Variants in SLC26A5 observed in about 807,000 individuals in gnomAD.
SLC26A5 encodes solute carrier family 26 member 5, also known as prestin.
A neutral mutation model predicts 81.0 loss-of-function variants in SLC26A5; 51 were observed. The observed-to-expected ratio is 0.63, with a 90% confidence interval of 0.50 to 0.80. SLC26A5 has a LOEUF of 0.80. Ranked by LOEUF, SLC26A5 falls within the 30% of genes least tolerant of loss-of-function variation. The probability of loss-of-function intolerance (pLI) is 0.00; values close to 1 mark genes in which losing one functional copy is unlikely to be tolerated. For synonymous variants in SLC26A5, 325 were observed against 332.8 expected (o/e 0.98, Z 0.25); for missense variants, 771 against 905.8 (o/e 0.85, Z 1.91).
chr7:103,388,193 G>GTTTTTT (rs897201043), intron 14 of SLC26A5, among the ~76,000 whole-genome samples: 4 of 114,924 alleles, frequency 3.5e-5, no homozygotes, highest in East Asian at 5.1e-4. Flanking sequence ...AGCCCATAAA[G>GTTTTTT]TTTTTTTTTT....
chr7:103,375,053 CAT>C (rs1389142167), intron 19 of SLC26A5, among the ~76,000 whole-genome samples: 2 of 146,258 alleles, frequency 1.4e-5, no homozygotes, highest in East Asian at 4.0e-4. Flanking sequence ...CACACACACA[CAT>C]ATATACACAC....
intron 2 of SLC26A5, among the ~76,000 whole-genome samples, chr7:103,428,558 CTTTTTTT>C (rs10592922): frequency 1.5e-4 from 18 of 118,086 alleles, no homozygotes; most frequent in South Asian, 5.5e-4. Flanking sequence ...CCTGCCAGTA[CTTTTTTT>C]TTTTTTTTTT....
chr7:103,443,270 G>T (rs768041108), intron 1 of SLC26A5, 59 bp from the exon 2 acceptor site: 1 of 152,228 alleles, frequency 6.6e-6, no homozygotes, highest in Non-Finnish European at 1.5e-5. Context: ...TTTTTTGAAA[G>T]AAGCTATGTC....
chr7:103,420,861 T>C lies in SLC26A5; in HGVS notation c.169A>G (p.Ile57Val). Residue 57 changes from isoleucine (I) to valine (V), a missense_variant, in exon 4 of 20, where the codon ATA (isoleucine) becomes GTA (valine). Ile to Val is a conservative substitution (Grantham distance 29, BLOSUM62 3). Coordinates refer to ENST00000306312, the MANE Select transcript of SLC26A5 (RefSeq NM_198999.3). ...KQAFTCTPKKIRNIIYMFLPI... is the reference protein window; with the variant it reads ...KQAFTCTPKKVRNIIYMFLPI... Reference sequence around the variant, plus strand: ...AGGAACATATAAATGATATTTCTTATTTTTTTAGGAGTACATCTGAAAGGA... The same window carrying C: ...AGGAACATATAAATGATATTTCTTACTTTTTTAGGAGTACATCTGAAAGGA... 1 of 1,610,100 alleles carries C rather than the reference T, an allele frequency of 6.2e-7. No individual in the cohort carries two copies. The highest frequency in any genetic ancestry group is 8.5e-7 in the Non-Finnish European group (1 of 1,176,526).
chr7:103,371,348 G>A (rs1299336422), downstream of SLC26A5, among the ~76,000 whole-genome samples: 11 of 147,476 alleles, frequency 7.5e-5, no homozygotes, highest in Admixed American at 2.7e-4. Flanking sequence ...TTTTTGAGAC[G>A]GAGTCTCGCT....
chr7:103,408,479 G>A (rs1824235842), intron 7 of SLC26A5, among the ~76,000 whole-genome samples: 2 of 151,966 alleles, frequency 1.3e-5, no homozygotes, highest in Non-Finnish European at 2.9e-5. Context: ...TGCCTGCCTC[G>A]GCCTCCCAAA....
In SLC26A5 at chr7:103,413,050, G is replaced by A. The variant is rs1185796780; in HGVS notation, c.355C>T (p.Pro119Ser). 3 of 1,613,788 alleles carry A rather than the reference G, an allele frequency of 1.9e-6. No individual in the cohort carries two copies. The highest frequency in any genetic ancestry group is 3.3e-5 in the Admixed American group (2 of 59,974). The change falls in exon 5 of 20, where the codon CCT becomes TCT. Residue 119 changes from proline to serine, a missense_variant. Coordinates refer to ENST00000306312, the MANE Select transcript of SLC26A5 (RefSeq NM_198999.3). ...PIFGLYSSFY[P>S]VIMYCFLGTS... Reference sequence around the variant, plus strand: ...CCAAGAAAACAATACATGATAACAGGGTAAAATGAAGAGTACAGGCCAAAT... The same window carrying A: ...CCAAGAAAACAATACATGATAACAGAGTAAAATGAAGAGTACAGGCCAAAT...
intron 19 of SLC26A5, among the ~76,000 whole-genome samples, chr7:103,359,155 T>A (rs965668854): frequency 7.5e-6 from 1 of 134,126 alleles, no homozygotes; most frequent in Non-Finnish European, 1.6e-5. Flanking sequence ...TTTTTTTTTT[T>A]TTTTTTTTTT....
intron 19 of SLC26A5, among the ~76,000 whole-genome samples, chr7:103,358,457 C>T (rs146706369): frequency 0.011 from 1,609 of 152,194 alleles, 28 homozygotes; most frequent in African/African-American, 0.037. Flanking sequence ...TATGGGGCCT[C>T]CAGGATTGCT....
Position 103,411,752 on chromosome 7 carries a change from G to C in SLC26A5, c.404-166C>G, listed in dbSNP as rs1055955174. On this transcript the variant is annotated intron_variant, in intron 5 of 19. Coordinates refer to ENST00000306312, the MANE Select transcript of SLC26A5 (RefSeq NM_198999.3). ...CTGGTGTATGAGCAACCGTGTGTGT[G>C]CGTGTGTGCGCATGCAGACTGTATT... 4.6e-5 allele frequency among the ~76,000 whole-genome samples: 7 copies of C among 152,186 alleles called. No homozygotes were observed. In the South Asian group the frequency reaches 1.0e-3, roughly 23 times the overall value.
intron 10 of SLC26A5, 24 bp downstream of exon 10, chr7:103,392,895 G>A: frequency 1.2e-6 from 2 of 1,613,770 alleles, no homozygotes; most frequent in Non-Finnish European, 1.7e-6. Context: ...TATGAAACAT[G>A]TGCAGGAAAC....
intron 14 of SLC26A5, among the ~76,000 whole-genome samples, chr7:103,381,084 A>C (rs1328916087): frequency 6.6e-6 from 1 of 151,468 alleles, no homozygotes; most frequent in African/African-American, 2.4e-5. Context: ...TACACTACAT[A>C]CCACACATAT....
At position 103,402,840 on chromosome 7, in the gene SLC26A5, AT is replaced by A. The variant is rs374589949; in HGVS notation, c.889-4827del. Among the ~76,000 whole-genome samples, 524 of 152,054 alleles carry A rather than the reference AT, an allele frequency of 3.4e-3. 1 individual carries two copies. The highest frequency in any genetic ancestry group is 0.012 in the African/African-American group (490 of 41,480). On this transcript the variant is annotated intron_variant, in intron 8 of 19. Coordinates refer to ENST00000306312, the MANE Select transcript of SLC26A5 (RefSeq NM_198999.3). ...AGAAAACCAGCTCCTGGATTCATTG[AT>A]TTTTTTGAAGGGTTTTTCTTGTCTC...
chr7:103,400,479 A>G (rs1655619983), intron 8 of SLC26A5, among the ~76,000 whole-genome samples: 2 of 152,142 alleles, frequency 1.3e-5, no homozygotes, highest in African/African-American at 4.8e-5. Flanking sequence ...CCTTTGTCAG[A>G]TGGACAGATT....
chr7:103,371,852 T>C (rs528627869), downstream of SLC26A5, among the ~76,000 whole-genome samples: 10 of 151,950 alleles, frequency 6.6e-5, no homozygotes, highest in South Asian at 6.2e-4. Context: ...CGCGCCACCA[T>C]GCCCAGCTCA....
At chr7:103,437,563 A>G (rs1826541223) in intron 2 of SLC26A5, among the ~76,000 whole-genome samples, 1 of 152,254 alleles carries the variant, frequency 6.6e-6, no homozygotes, top group South Asian at 2.1e-4. Flanking sequence ...TGAATAAAGA[A>G]AATGTGGTAC....
chr7:103,371,979 G>GCCA (rs980769265), downstream of SLC26A5, among the ~76,000 whole-genome samples: 4 of 152,204 alleles, frequency 2.6e-5, no homozygotes, highest in Non-Finnish European at 5.9e-5. Flanking sequence ...ACAGGCGTGA[G>GCCA]CCACCGCACC....
At chr7:103,359,287 C>T (rs1476445908) in intron 19 of SLC26A5, among the ~76,000 whole-genome samples, 1 of 151,458 alleles carries the variant, frequency 6.6e-6, no homozygotes, top group Non-Finnish European at 1.5e-5. Context: ...TGTGAGCCAC[C>T]GTGCCCAGCC....
chr7:103,356,659 A>G (rs1226447244), intron 19 of SLC26A5, among the ~76,000 whole-genome samples: 1 of 152,232 alleles, frequency 6.6e-6, no homozygotes, highest in Admixed American at 6.5e-5. Flanking sequence ...TGTTAATTTT[A>G]GAAACAGTTC....
Sources: allele counts gnomAD v4.1 joint callset (sites outside exome capture counted in the v4.1 genomes callset), GRCh38; gene constraint gnomAD v4.1.1; transcripts MANE v1.5; gene names NCBI Gene and HGNC (gene_info 2026-07-23, HGNC 2026-07-21).